HCRTR2: variants seen among roughly 807,000 people sequenced by gnomAD.
HCRTR2 encodes the protein orexin receptor type 2.
In HCRTR2, 22 loss-of-function variants were observed where a neutral mutation model predicts 49.0. That is an observed-to-expected ratio of 0.45 (90% CI 0.32 to 0.64). The LOEUF is 0.64. Ranked by LOEUF, HCRTR2 falls within the 30% of genes least tolerant of loss-of-function variation. The pLI is 0.04. For synonymous variants in HCRTR2, 236 were observed against 205.3 expected (o/e 1.15, Z -1.28); for missense variants, 491 against 559.4 (o/e 0.88, Z 1.23).
At chr6:55,211,832 A>T (rs1562008606) in intron 1 of HCRTR2, among the ~76,000 whole-genome samples, 1 of 152,184 alleles carries the variant, frequency 6.6e-6, no homozygotes, top group Non-Finnish European at 1.5e-5. Context: ...AGGTACTGGG[A>T]TATGTTCTTG....
rs544008843 is a variant in HCRTR2, at chr6:55,221,673, C to T, written c.224-26966C>T. Reference sequence around the variant, plus strand: ...CTAAAAATACAAAAAATTAGCCGGGCGTGGTGGTGGGCGCCTGTAGTCCCA... The same window carrying T: ...CTAAAAATACAAAAAATTAGCCGGGTGTGGTGGTGGGCGCCTGTAGTCCCA... On this transcript the variant is annotated intron_variant, in intron 1 of 6. Transcript: ENST00000370862. Among the ~76,000 whole-genome samples, 10 of 151,980 alleles carry T rather than the reference C, an allele frequency of 6.6e-5. No homozygotes were observed. The South Asian group carries it at 8.3e-4, about 13-fold the overall frequency.
intron 1 of HCRTR2, among the ~76,000 whole-genome samples, chr6:55,204,839 C>A (rs1765573719): frequency 6.6e-6 from 1 of 151,370 alleles, no homozygotes; most frequent in African/African-American, 2.4e-5. Flanking sequence ...AGGCTGTAGT[C>A]TAGTTTCGCG....
upstream of HCRTR2, among the ~76,000 whole-genome samples, chr6:55,173,973 C>T (rs1326580555): frequency 6.6e-6 from 1 of 152,062 alleles, no homozygotes; most frequent in African/African-American, 2.4e-5. Context: ...CACAGAGGCA[C>T]CTCCTTATTG....
At chr6:55,284,462 A>G (rs2127337042), downstream of HCRTR2, among the ~76,000 whole-genome samples, 1 of 152,246 alleles carries the variant, frequency 6.6e-6, no homozygotes, top group South Asian at 2.1e-4. Flanking sequence ...GTTAAGCACT[A>G]CAGGTGTTTC....
At chr6:55,272,847 CTTTTTTTTTT>C (rs993989385) in intron 4 of HCRTR2, among the ~76,000 whole-genome samples, 9 of 111,310 alleles carry the variant, frequency 8.1e-5, no homozygotes, top group Admixed American at 6.5e-4. Context: ...GAGGGAAAAC[CTTTTTTTTTT>C]TTTTTTTTTG....
Position 55,250,066 on chromosome 6 carries a change from T to G in HCRTR2, c.402+1249T>G, listed in dbSNP as rs150432780. Among the ~76,000 whole-genome samples, 1,035 of 152,248 alleles carry G rather than the reference T, an allele frequency of 6.8e-3. 15 individuals carry two copies. The highest frequency in any genetic ancestry group is 0.023 in the African/African-American group (965 of 41,562). On this transcript the variant is annotated intron_variant, in intron 2 of 6. Transcript: ENST00000370862. ...TTAGTTCAATAGTTCCTCAATTACCTCTTATAAAAAGAAGTGAAAAATTTT... is the reference window on the plus strand; with the variant it reads ...TTAGTTCAATAGTTCCTCAATTACCGCTTATAAAAAGAAGTGAAAAATTTT...
At chr6:55,274,800 C>T (rs1767046781) in intron 4 of HCRTR2, among the ~76,000 whole-genome samples, 1 of 152,064 alleles carries the variant, frequency 6.6e-6, no homozygotes, top group South Asian at 2.1e-4. Context: ...TAGTTGTTAG[C>T]TGTCTTTTGT....
chr6:55,228,027 C>T (rs1766043010), intron 1 of HCRTR2, among the ~76,000 whole-genome samples: 1 of 151,988 alleles, frequency 6.6e-6, no homozygotes, highest in Non-Finnish European at 1.5e-5. Flanking sequence ...CATTGCAGTA[C>T]AAACAGACAG....
At chr6:55,173,697 G>T (rs901479336), upstream of HCRTR2, among the ~76,000 whole-genome samples, 1 of 152,140 alleles carries the variant, frequency 6.6e-6, no homozygotes, top group Non-Finnish European at 1.5e-5. Context: ...CATTAACTAT[G>T]ATCATATTTA....
At chr6:55,225,192 A>C (rs1278484248) in intron 1 of HCRTR2, among the ~76,000 whole-genome samples, 1 of 152,210 alleles carries the variant, frequency 6.6e-6, no homozygotes, top group African/African-American at 2.4e-5. Flanking sequence ...ATTAGGAATT[A>C]AGGTACAAAA....
chr6:55,280,210 T>C (rs1420850618), intron 5 of HCRTR2, 113 bp from the exon 6 acceptor site: 1 of 728,108 alleles, frequency 1.4e-6, no homozygotes, highest in Non-Finnish European at 2.4e-6. Context: ...CAATCTGTGG[T>C]CAATTCCTGC....
chr6:55,180,881 C>T (rs1765121599), intron 1 of HCRTR2, among the ~76,000 whole-genome samples: 1 of 151,934 alleles, frequency 6.6e-6, no homozygotes, highest in African/African-American at 2.4e-5. Flanking sequence ...CTCACTGCTG[C>T]CTCCACCTCC....
chr6:55,207,431 GTC>G (rs1363423285), intron 1 of HCRTR2, among the ~76,000 whole-genome samples: 1 of 152,008 alleles, frequency 6.6e-6, no homozygotes, highest in Non-Finnish European at 1.5e-5. Context: ...CTTTTCAATG[GTC>G]TCCATATCAA....
chr6:55,221,071 G>A (rs1459745490), intron 1 of HCRTR2, among the ~76,000 whole-genome samples: 1 of 152,080 alleles, frequency 6.6e-6, no homozygotes, highest in African/African-American at 2.4e-5. Flanking sequence ...TAAATAGAAA[G>A]ATAATTCTGT....
chr6:55,136,778 G>A (rs1225154891), intron 1 of HCRTR2, among the ~76,000 whole-genome samples: 2 of 152,092 alleles, frequency 1.3e-5, no homozygotes, highest in Non-Finnish European at 2.9e-5. Flanking sequence ...AATCTCAGTA[G>A]CTGGAACCTA....
intron 1 of HCRTR2, among the ~76,000 whole-genome samples, chr6:55,235,778 T>C (rs113755773): frequency 6.6e-6 from 1 of 152,014 alleles, no homozygotes; most frequent in African/African-American, 2.4e-5. Flanking sequence ...ATGTCAAGAG[T>C]CCTTATATAC....
intron 4 of HCRTR2, among the ~76,000 whole-genome samples, chr6:55,275,213 C>G (rs758608942): frequency 2.0e-4 from 30 of 152,072 alleles, no homozygotes; most frequent in Non-Finnish European, 4.4e-4. Flanking sequence ...ATACATTTTT[C>G]AGGGTGTATT....
chr6:55,186,897 A>G (rs1162888824), intron 1 of HCRTR2, among the ~76,000 whole-genome samples: 1 of 152,182 alleles, frequency 6.6e-6, no homozygotes, highest in Non-Finnish European at 1.5e-5. Flanking sequence ...ACTTGTGCCA[A>G]TTCTAGGGTT....
chr6:55,160,775 G>A (rs1292326342), intron 1 of HCRTR2, among the ~76,000 whole-genome samples: 3 of 152,156 alleles, frequency 2.0e-5, no homozygotes, highest in Non-Finnish European at 2.9e-5. Context: ...AATGCAACAA[G>A]AACAGCTAGC....
Sources: allele counts gnomAD v4.1 joint callset (sites outside exome capture counted in the v4.1 genomes callset), GRCh38; gene constraint gnomAD v4.1.1; transcripts MANE v1.5; gene names NCBI Gene and HGNC (gene_info 2026-07-23, HGNC 2026-07-21).